CHN1: variants seen among roughly 807,000 people sequenced by gnomAD.
The protein encoded by CHN1 is chimerin 1.
Under a neutral mutation model 59.5 loss-of-function variants are expected in CHN1, and 37 were observed. The observed-to-expected ratio is 0.62, with a 90% CI of 0.48 to 0.82. CHN1 has a LOEUF of 0.82. Among genes scored for constraint, CHN1 ranks in the 40% least tolerant of loss-of-function variants. The pLI, the probability that CHN1 is intolerant of heterozygous loss-of-function variation, is 0.00. For missense variants in CHN1, 469 were observed against 571.0 expected (o/e 0.82, Z 1.82); for synonymous variants, 206 against 200.4 (o/e 1.03, Z -0.24).
At chr2:174,964,211 T>C (rs1690522936) in intron 1 of CHN1, among the ~76,000 whole-genome samples, 1 of 152,160 alleles carries the variant, frequency 6.6e-6, no homozygotes, top group Non-Finnish European at 1.5e-5. Context: ...GCCTGGATAA[T>C]GTTTCAAGTG....
chr2:174,833,133 A>T (rs1685937157), intron 7 of CHN1, among the ~76,000 whole-genome samples: 1 of 152,128 alleles, frequency 6.6e-6, no homozygotes, highest in Non-Finnish European at 1.5e-5. Flanking sequence ...TATAAATATC[A>T]GTTAGGTCAA....
chr2:174,887,760 A>C (rs1018400085), intron 5 of CHN1, among the ~76,000 whole-genome samples: 1 of 152,218 alleles, frequency 6.6e-6, no homozygotes, highest in African/African-American at 2.4e-5. Flanking sequence ...AGAGATCCTA[A>C]GACAAGAGTC....
At chr2:174,958,039 T>C (rs1690269871) in intron 1 of CHN1, among the ~76,000 whole-genome samples, 1 of 152,058 alleles carries the variant, frequency 6.6e-6, no homozygotes, top group Admixed American at 6.5e-5. Flanking sequence ...GCGACATAAC[T>C]GTAATCCCAG....
intron 10 of CHN1, chr2:174,810,966 A>G (rs957296360): frequency 2.0e-5 from 3 of 152,240 alleles, no homozygotes; most frequent in African/African-American, 7.2e-5. Flanking sequence ...TAAGAAAATT[A>G]AGCTCCACTG....
At chr2:174,993,442 G>A (rs1019817034) in intron 1 of CHN1, among the ~76,000 whole-genome samples, 4 of 152,038 alleles carry the variant, frequency 2.6e-5, no homozygotes, top group African/African-American at 9.7e-5. Flanking sequence ...AGAGATGAAT[G>A]ACATTCACAA....
chr2:174,904,692 A>G (rs1477585284), intron 5 of CHN1, among the ~76,000 whole-genome samples: 3 of 152,164 alleles, frequency 2.0e-5, no homozygotes, highest in Admixed American at 1.3e-4. Flanking sequence ...CCAGCCAGAT[A>G]TTGTTTTTAA....
chr2:175,000,167 G>C (rs1288987321), intron 1 of CHN1, among the ~76,000 whole-genome samples: 2 of 126,444 alleles, frequency 1.6e-5, no homozygotes, highest in African/African-American at 6.3e-5. Flanking sequence ...TTGAGATGGA[G>C]TCTCACTCTG....
chr2:174,904,411 A>G (rs1688482956), intron 5 of CHN1, among the ~76,000 whole-genome samples: 1 of 151,826 alleles, frequency 6.6e-6, no homozygotes, highest in South Asian at 2.1e-4. Flanking sequence ...TTTGTTTGAG[A>G]TGGAGTTTCA....
At chr2:174,928,758 A>G (rs780399044) in intron 3 of CHN1, among the ~76,000 whole-genome samples, 3 of 152,366 alleles carry the variant, frequency 2.0e-5, no homozygotes, top group East Asian at 1.9e-4. Context: ...AATGTGCTGC[A>G]TGTAGACAAG....
intron 7 of CHN1, among the ~76,000 whole-genome samples, chr2:174,845,766 T>A (rs1686485797): frequency 1.3e-5 from 1 of 76,184 alleles, no homozygotes; most frequent in Admixed American, 2.3e-4. Context: ...CTATGGAAAA[T>A]GCAGAGCATA....
Position 174,846,529 on chromosome 2 carries a change from C to T in CHN1, c.627+351G>A. 1.5e-6 allele frequency: 2 copies of T among 1,345,426 alleles called. 1 individual carries two copies. The allele number at this position is 1,345,426 out of a possible 1,614,324, so 83.3% of individuals were successfully genotyped here. ...TTTTACCAGAAACACAGATCTAATC[C>T]TCTCATAAAATCTCCAACAGAGGTA... On this transcript the variant is annotated intron_variant, in intron 7 of 12. Transcript: ENST00000409900.
intron 3 of CHN1, among the ~76,000 whole-genome samples, chr2:174,932,116 G>T (rs1372344562): frequency 2.0e-5 from 3 of 152,216 alleles, no homozygotes; most frequent in African/African-American, 7.2e-5. Flanking sequence ...GGAAAGATCA[G>T]TTAAGAACTA....
At chr2:174,910,620 A>G (rs886335163) in intron 5 of CHN1, among the ~76,000 whole-genome samples, 1 of 152,218 alleles carries the variant, frequency 6.6e-6, no homozygotes, top group Non-Finnish European at 1.5e-5. Context: ...AATCCCCCCA[A>G]AAATAAAATG....
intron 1 of CHN1, among the ~76,000 whole-genome samples, chr2:174,992,680 A>G (rs1048315706): frequency 6.6e-6 from 1 of 152,220 alleles, no homozygotes; most frequent in Non-Finnish European, 1.5e-5. Context: ...GGCTTCTCCT[A>G]GGCCCTCTTC....
intron 5 of CHN1, among the ~76,000 whole-genome samples, chr2:174,884,223 G>A (rs922064241): frequency 4.0e-5 from 6 of 151,680 alleles, no homozygotes; most frequent in Non-Finnish European, 7.4e-5. Flanking sequence ...CACCCACCTC[G>A]GTCTCCCAAA....
At chr2:174,996,192 T>C (rs1691702045) in intron 1 of CHN1, among the ~76,000 whole-genome samples, 2 of 152,170 alleles carry the variant, frequency 1.3e-5, no homozygotes, top group Non-Finnish European at 2.9e-5. Flanking sequence ...GGGTATTGTT[T>C]ACATTTTCAG....
chr2:174,820,934 C>T (rs377605803), intron 8 of CHN1, among the ~76,000 whole-genome samples: 35 of 152,174 alleles, frequency 2.3e-4, no homozygotes, highest in African/African-American at 7.9e-4. Flanking sequence ...TCTTTTGCCT[C>T]GGTGGATTTT....
chr2:174,919,711 T>C (rs958578462), intron 3 of CHN1, among the ~76,000 whole-genome samples: 1 of 152,152 alleles, frequency 6.6e-6, no homozygotes, highest in African/African-American at 2.4e-5. Context: ...GATATTTGTA[T>C]ATATTGTGGA....
intron 6 of CHN1, chr2:174,875,932 G>A (rs773953430): frequency 2.5e-4 from 129 of 512,470 alleles, no homozygotes; most frequent in Non-Finnish European, 3.1e-4. Flanking sequence ...AGATGCATGC[G>A]GTTTAAAGCA....
Sources: gnomAD v4.1 joint callset for allele counts (sites outside exome capture counted in the v4.1 genomes callset) on GRCh38, gnomAD v4.1.1 for gene constraint, MANE v1.5 for transcripts, NCBI Gene and HGNC (gene_info 2026-07-23, HGNC 2026-07-21) for gene names.